The following SYT1 variants were observed in gnomAD, a reference collection of about 807,000 sequenced individuals.
SYT1 encodes synaptotagmin-1.
SYT1 carries 8 observed loss-of-function variants against 44.8 expected under a neutral mutation model. The observed-to-expected ratio is 0.18, with a 90% confidence interval of 0.10 to 0.32. SYT1 has a LOEUF of 0.32. Among genes scored for constraint, SYT1 ranks in the 10% least tolerant of loss-of-function variants. SYT1 has a pLI of 1.00. For synonymous variants in SYT1, 154 were observed against 188.8 expected, an observed-to-expected ratio of 0.82 and a Z score of 1.51; for missense variants, 286 against 509.3, an observed-to-expected ratio of 0.56 and a Z score of 4.22.
intron 3 of SYT1, among the ~76,000 whole-genome samples, chr12:79,149,753 C>T (rs1199592043): frequency 1.3e-5 from 2 of 152,144 alleles, no homozygotes; most frequent in Non-Finnish European, 2.9e-5. Context: ...CCTTAGCACA[C>T]TGAACTTCCC....
intron 8 of SYT1, among the ~76,000 whole-genome samples, chr12:79,340,343 C>T (rs1040751279): frequency 2.6e-5 from 4 of 152,112 alleles, no homozygotes; most frequent in South Asian, 2.1e-4. Context: ...TCTTTTATTT[C>T]CTTGAGCAGT....
intron 1 of SYT1, among the ~76,000 whole-genome samples, chr12:78,875,352 C>A (rs978450588): frequency 6.6e-6 from 1 of 151,314 alleles, no homozygotes; most frequent in Admixed American, 6.6e-5. Flanking sequence ...AGAAGAGAGA[C>A]CATTAAAAAC....
chr12:79,299,318 T>A, intron 7 of SYT1, 66 bp from the exon 8 acceptor site: 1 of 1,527,976 alleles, frequency 6.5e-7, no homozygotes, highest in East Asian at 2.3e-5. Context: ...TTAAGCACCA[T>A]GAACAAGTAA....
chr12:78,925,553 T>C (rs567919008), intron 1 of SYT1, among the ~76,000 whole-genome samples: 2 of 152,060 alleles, frequency 1.3e-5, no homozygotes, highest in African/African-American at 4.8e-5. Context: ...TTTTAAAGTA[T>C]GTATGTGAAA....
chr12:79,370,146 G>C (rs1883720153), intron 9 of SYT1, among the ~76,000 whole-genome samples: 1 of 152,038 alleles, frequency 6.6e-6, no homozygotes. Flanking sequence ...TGAGAGATCT[G>C]GAATATTGCA....
At chr12:79,168,550 T>A (rs959471963) in intron 3 of SYT1, among the ~76,000 whole-genome samples, 1 of 152,084 alleles carries the variant, frequency 6.6e-6, no homozygotes, top group African/African-American at 2.4e-5. Flanking sequence ...ATTTACATTT[T>A]AAATTTTTCT....
intron 4 of SYT1, among the ~76,000 whole-genome samples, chr12:79,247,424 A>G (rs1319444196): frequency 1.3e-5 from 2 of 152,200 alleles, no homozygotes; most frequent in South Asian, 2.1e-4. Context: ...TAGAATTAAC[A>G]TACCACTGCT....
intron 2 of SYT1, among the ~76,000 whole-genome samples, chr12:79,012,978 C>T (rs1022022464): frequency 2.0e-5 from 3 of 152,056 alleles, no homozygotes; most frequent in Non-Finnish European, 2.9e-5. Flanking sequence ...GGCCCCTCCT[C>T]CCATGCAGTC....
chr12:79,392,798 C>CTTTTT (rs755888075), intron 9 of SYT1: 70 of 98,790 alleles, frequency 7.1e-4, no homozygotes, highest in East Asian at 2.5e-3. Context: ...ATTTTTCTTT[C>CTTTTT]TTTTTTTTTT....
At chr12:79,150,900 G>C (rs1194571786) in intron 3 of SYT1, among the ~76,000 whole-genome samples, 3 of 152,056 alleles carry the variant, frequency 2.0e-5, no homozygotes, top group Non-Finnish European at 4.4e-5. Context: ...TTTTTTATGA[G>C]AGTTTAAATG....
intron 9 of SYT1, among the ~76,000 whole-genome samples, chr12:79,364,565 T>A (rs915064037): frequency 1.1e-4 from 16 of 152,318 alleles, no homozygotes; most frequent in African/African-American, 3.8e-4. Flanking sequence ...ACTGGACAAC[T>A]AGGAGGCTTC....
At chr12:79,079,343 A>G (rs1486176144) in intron 3 of SYT1, among the ~76,000 whole-genome samples, 1 of 152,158 alleles carries the variant, frequency 6.6e-6, no homozygotes, top group African/African-American at 2.4e-5. Context: ...ATGAAGCATT[A>G]GGTATATCAA....
chr12:79,422,952 C>G lies in SYT1; in HGVS notation c.929-21121C>G, dbSNP rs533896993. ...TACATGCTCTGTCAGAAAGAAGCAG[C>G]CCACTTCTGTCCAATAGCCAATCCA... On this transcript the variant is annotated intron_variant, in intron 9 of 10. Transcript: ENST00000261205. Among the ~76,000 whole-genome samples, 29 of 152,176 alleles carry G rather than the reference C, an allele frequency of 1.9e-4. 1 individual carries two copies. In the South Asian group the frequency reaches 6.0e-3, roughly 32 times the overall value.
At chr12:79,392,971 C>A (rs1884726029) in intron 9 of SYT1, 1 of 143,264 alleles carries the variant, frequency 7.0e-6, no homozygotes, top group South Asian at 2.3e-4. Context: ...CACCCCCGAG[C>A]AGGCCCCCAC....
chr12:78,876,781 TATATAATAC>T (rs1397315259), intron 1 of SYT1, among the ~76,000 whole-genome samples: 2 of 94,762 alleles, frequency 2.1e-5, no homozygotes, highest in Non-Finnish European at 4.0e-5. Flanking sequence ...ATTTATATAT[TATATAATAC>T]ATATAATATA....
chr12:78,934,461 T>C (rs1279944321), intron 1 of SYT1, among the ~76,000 whole-genome samples: 2 of 152,032 alleles, frequency 1.3e-5, no homozygotes, highest in Non-Finnish European at 2.9e-5. Flanking sequence ...CACCTGAGCC[T>C]GTGGGGTTGA....
intron 3 of SYT1, 111 bp downstream of exon 3, chr12:79,047,473 G>A (rs935522769): frequency 6.6e-6 from 1 of 151,740 alleles, no homozygotes; most frequent in Non-Finnish European, 1.5e-5. Context: ...ATTAGTAGAG[G>A]AAGCAAGTTG....
At chr12:78,958,145 T>G (rs1173731971) in intron 1 of SYT1, among the ~76,000 whole-genome samples, 4 of 152,118 alleles carry the variant, frequency 2.6e-5, no homozygotes, top group African/African-American at 9.7e-5. Context: ...CAAGTGTCCT[T>G]TAATAAATGG....
At chr12:79,271,705 G>C (rs990786615) in intron 4 of SYT1, among the ~76,000 whole-genome samples, 3 of 152,042 alleles carry the variant, frequency 2.0e-5, no homozygotes, top group African/African-American at 7.2e-5. Context: ...AGGCTTTCTT[G>C]ATAAAGGAAG....
Sources: gnomAD v4.1 joint callset for allele counts (sites outside exome capture counted in the v4.1 genomes callset) on GRCh38, gnomAD v4.1.1 for gene constraint, MANE v1.5 for transcripts, NCBI Gene and HGNC (gene_info 2026-07-23, HGNC 2026-07-21) for gene names.